Variants in FAM135A observed in about 807,000 individuals in gnomAD.
The protein encoded by FAM135A is family with sequence similarity 135 member A.
FAM135A carries 79 observed loss-of-function variants against 146.8 expected under a neutral mutation model. That is an observed-to-expected ratio of 0.54 (90% CI 0.45 to 0.65). The LOEUF (loss-of-function observed/expected upper bound fraction) is 0.65. Among genes scored for constraint, FAM135A ranks in the 30% least tolerant of loss-of-function variants. The pLI is 0.00. For missense variants in FAM135A, 1,623 were observed against 1,758.2 expected, an observed-to-expected ratio of 0.92 and a Z score of 1.38; for synonymous variants, 562 against 603.6, an observed-to-expected ratio of 0.93 and a Z score of 1.01.
At chr6:70,513,989 TG>T (rs1473787932) in intron 12 of FAM135A, among the ~76,000 whole-genome samples, 222 of 147,830 alleles carry the variant, frequency 1.5e-3, no homozygotes, top group African/African-American at 5.0e-3. Context: ...TGTTGTTGTT[TG>T]TTTTTTTTTG....
chr6:70,523,019 T>A (rs1048710430), intron 13 of FAM135A, among the ~76,000 whole-genome samples: 2 of 152,216 alleles, frequency 1.3e-5, no homozygotes, highest in African/African-American at 4.8e-5. Flanking sequence ...CTATCTTTCC[T>A]ACTGAGTAGA....
In FAM135A at chr6:70,450,716, G is replaced by GTTTTTTTT. The variant is rs546674936; in HGVS notation, c.78-1741_78-1734dup. ...CTCAGGGAGTGTGACCCTTTTAGTT[G>GTTTTTTTT]TTTTTTTTTTTTTTTTTTTTTTTTT... On this transcript the variant is annotated intron_variant, in intron 4 of 21. Coordinates refer to ENST00000418814, the MANE Select transcript of FAM135A (RefSeq NM_001162529.3). 5.0e-3 allele frequency among the ~76,000 whole-genome samples: 142 copies of GTTTTTTTT among 28,346 alleles called. 59 individuals are homozygous for GTTTTTTTT. Among genetic ancestry groups the GTTTTTTTT allele is most frequent in the East Asian group, 7.8e-3 (5 of 640 alleles). The allele number at this position is 28,346 out of a possible 152,430, so 18.6% of individuals were successfully genotyped here. A position where few individuals can be genotyped will look rare whatever the true frequency, so the allele number is the denominator to read the frequency against.
In FAM135A at chr6:70,525,944, C is replaced by T. The variant is rs16869301; in HGVS notation, c.2860C>T (p.Pro954Ser). Residue 954 changes from proline (P) to serine (S), a missense_variant, in exon 15 of 22, where the codon CCT becomes TCT. Around this residue, in one of 7 missense-constraint regions of FAM135A, gnomAD observed 1,061 missense variants for 1,113.8 expected, o/e 0.95. Coordinates refer to ENST00000418814, the MANE Select transcript of FAM135A (RefSeq NM_001162529.3). ...LDTMCKGFQS[P>S]DKSNNSTGTA... Reference sequence around the variant, plus strand: ...TACTATGTGTAAAGGCTTCCAGAGTCCTGATAAATCTAATAACTCTACAGG... The same window carrying T: ...TACTATGTGTAAAGGCTTCCAGAGTTCTGATAAATCTAATAACTCTACAGG... The T allele has an allele frequency of 4.1e-3, 6,580 of 1,613,386 alleles. 233 individuals carry two copies. In the African/African-American group the frequency reaches 0.077, roughly 19 times the overall value.
At chr6:70,513,498 G>A (rs1176863989) in intron 12 of FAM135A, 1 of 149,570 alleles carries the variant, frequency 6.7e-6, no homozygotes, top group Non-Finnish European at 1.5e-5. Flanking sequence ...CGGACAATTT[G>A]TGGGCATGAT....
intron 5 of FAM135A, among the ~76,000 whole-genome samples, chr6:70,462,257 A>G (rs1384194411): frequency 1.3e-5 from 2 of 152,160 alleles, no homozygotes; most frequent in African/African-American, 4.8e-5. Flanking sequence ...GAGAACACAT[A>G]TGTTTGAAAT....
At chr6:70,444,388 G>A (rs1775238875) in intron 4 of FAM135A, among the ~76,000 whole-genome samples, 2 of 150,400 alleles carry the variant, frequency 1.3e-5, no homozygotes. Flanking sequence ...GGGTGACAGA[G>A]TAAGTCTGTG....
intron 5 of FAM135A, among the ~76,000 whole-genome samples, chr6:70,458,282 T>A (rs1255205458): frequency 6.6e-6 from 1 of 152,154 alleles, no homozygotes; most frequent in East Asian, 1.9e-4. Flanking sequence ...TTTTTCTCAT[T>A]CTCTTTCAAA....
At chr6:70,519,424 G>A (rs970057963) in intron 12 of FAM135A, among the ~76,000 whole-genome samples, 2 of 152,226 alleles carry the variant, frequency 1.3e-5, no homozygotes, top group African/African-American at 4.8e-5. Flanking sequence ...TGAAAAAGCA[G>A]TGGCGAGTCA....
At chr6:70,450,735 T>G (rs1776877336) in intron 4 of FAM135A, among the ~76,000 whole-genome samples, 3 of 86,294 alleles carry the variant, frequency 3.5e-5, no homozygotes, top group African/African-American at 1.0e-4. Flanking sequence ...TTTTTTTTTT[T>G]TTTTTTTTTT....
intron 15 of FAM135A, among the ~76,000 whole-genome samples, chr6:70,527,465 C>T (rs1490076064): frequency 6.6e-6 from 1 of 152,024 alleles, no homozygotes. Context: ...ACTGAGGTAA[C>T]AATAGCCAAT....
At chr6:70,475,306 C>T in intron 5 of FAM135A, 104 bp from the exon 6 acceptor site, 1 of 921,068 alleles carries the variant, frequency 1.1e-6, no homozygotes, top group Non-Finnish European at 1.6e-6. Flanking sequence ...GATAATGACA[C>T]TATAGTAATA....
chr6:70,480,858 A>G, intron 8 of FAM135A, 43 bp from the exon 9 acceptor site: 2 of 1,554,092 alleles, frequency 1.3e-6, no homozygotes, highest in African/African-American at 1.4e-5. Context: ...TTACATTCAA[A>G]TAGACTCGTA....
At chr6:70,434,188 C>T (rs1241379444) in intron 4 of FAM135A, among the ~76,000 whole-genome samples, 1 of 152,048 alleles carries the variant, frequency 6.6e-6, no homozygotes, top group East Asian at 1.9e-4. Context: ...AAGAGGACTC[C>T]AAAGGAGAAG....
intron 11 of FAM135A, among the ~76,000 whole-genome samples, chr6:70,494,264 A>G (rs1179411725): frequency 6.6e-6 from 1 of 152,122 alleles, no homozygotes; most frequent in African/African-American, 2.4e-5. Context: ...TAAGTAAAGC[A>G]GCATTTTGCA....
chr6:70,485,583 C>T (rs1322962429), intron 10 of FAM135A, among the ~76,000 whole-genome samples: 3 of 152,078 alleles, frequency 2.0e-5, no homozygotes, highest in African/African-American at 4.8e-5. Context: ...AAGAATATTT[C>T]CTTCTATTAC....
intron 4 of FAM135A, among the ~76,000 whole-genome samples, chr6:70,435,548 T>G (rs1331939023): frequency 6.6e-6 from 1 of 151,740 alleles, no homozygotes; most frequent in African/African-American, 2.4e-5. Flanking sequence ...AGATGGAGTT[T>G]CGCTCTTGTT....
At chr6:70,545,092 C>T (rs1054543034) in intron 20 of FAM135A, among the ~76,000 whole-genome samples, 8 of 151,376 alleles carry the variant, frequency 5.3e-5, no homozygotes, top group Non-Finnish European at 2.9e-5. Context: ...AAAAAAACCA[C>T]GAGTATTATA....
At chr6:70,447,541 C>T (rs1776042421) in intron 4 of FAM135A, among the ~76,000 whole-genome samples, 1 of 152,204 alleles carries the variant, frequency 6.6e-6, no homozygotes, top group African/African-American at 2.4e-5. Flanking sequence ...AGGCTCACAG[C>T]TTTTGTGCAG....
chr6:70,521,319 G>GT (rs144149172), intron 12 of FAM135A, among the ~76,000 whole-genome samples: 19,145 of 152,056 alleles, frequency 0.13, 1,477 homozygotes, highest in Middle Eastern at 0.19. Context: ...TTAAAGATGC[G>GT]TTTTTTTCAT....
Sources: gnomAD v4.1 joint callset for allele counts (sites outside exome capture counted in the v4.1 genomes callset) on GRCh38, gnomAD v4.1.1 for gene constraint, gnomAD v4.1.1 regional missense constraint, MANE v1.5 for transcripts, NCBI Gene and HGNC (gene_info 2026-07-23, HGNC 2026-07-21) for gene names.